The following ZSCAN2 variants were observed in gnomAD, a reference collection of about 807,000 sequenced individuals.
ZSCAN2 encodes the protein zinc finger and SCAN domain containing 2.
Under a neutral mutation model 47.8 loss-of-function variants are expected in ZSCAN2, and 26 were observed. The ratio of observed to expected loss-of-function variants is 0.54; its 90% CI spans 0.40 to 0.75. The LOEUF (loss-of-function observed/expected upper bound fraction) is 0.75. Among genes scored for constraint, ZSCAN2 ranks in the 30% least tolerant of loss-of-function variants. ZSCAN2 has a pLI of 0.00. For synonymous variants in ZSCAN2, 305 were observed against 288.7 expected, an observed-to-expected ratio of 1.06 and a Z score of -0.57; for missense variants, 732 against 785.4, an observed-to-expected ratio of 0.93 and a Z score of 0.81.
intron 2 of ZSCAN2, among the ~76,000 whole-genome samples, chr15:84,619,829 G>A (rs1167236847): frequency 6.6e-6 from 1 of 151,948 alleles, no homozygotes; most frequent in Non-Finnish European, 1.5e-5. Context: ...AGGTAGTGGG[G>A]ACATGGAACC....
intron 2 of ZSCAN2, among the ~76,000 whole-genome samples, chr15:84,613,011 C>G (rs982299755): frequency 1.8e-4 from 27 of 152,264 alleles, no homozygotes; most frequent in African/African-American, 5.1e-4. Context: ...TGGGATTTGT[C>G]CGTTTCTGGG....
In ZSCAN2 at chr15:84,622,799, T is replaced by C. The variant is rs568775004; in HGVS notation, c.*759T>C. 3.0e-6 allele frequency: 2 copies of C among 656,598 alleles called. No individual in the cohort carries two copies. Among genetic ancestry groups the C allele is most frequent in the South Asian group, 3.5e-5 (2 of 57,062 alleles). 40.7% of individuals were successfully genotyped at this position (656,598 alleles called of 1,614,324 possible). On this transcript the variant is annotated 3_prime_UTR_variant, in exon 3 of 3. Transcript: ENST00000546148. ...TTTGTCTCTGCCTACTGTCCTGTGGTAGATCAGCTACCAGGGGAACACATT... is the reference window on the plus strand; with the variant it reads ...TTTGTCTCTGCCTACTGTCCTGTGGCAGATCAGCTACCAGGGGAACACATT...
At chr15:84,618,561 A>ATT (rs768935304) in intron 2 of ZSCAN2, among the ~76,000 whole-genome samples, 7 of 139,662 alleles carry the variant, frequency 5.0e-5, no homozygotes, top group Non-Finnish European at 6.3e-5. Context: ...ACAGCCATTA[A>ATT]TTTTTTTTTT....
intron 2 of ZSCAN2, among the ~76,000 whole-genome samples, chr15:84,614,034 A>G (rs895291643): frequency 9.4e-5 from 11 of 116,632 alleles, no homozygotes; most frequent in Non-Finnish European, 1.6e-4. Context: ...TCTGTCACCC[A>G]GGCTGGAATG....
intron 2 of ZSCAN2, among the ~76,000 whole-genome samples, chr15:84,617,616 T>C (rs1462479181): frequency 1.3e-5 from 2 of 151,906 alleles, no homozygotes; most frequent in African/African-American, 4.8e-5. Context: ...GCATGGAGTT[T>C]AATTATATGC....
chr15:84,605,578 G>A (rs1895356268), intron 2 of ZSCAN2, among the ~76,000 whole-genome samples: 1 of 152,202 alleles, frequency 6.6e-6, no homozygotes, highest in Admixed American at 6.5e-5. Context: ...GAAGTGGTAG[G>A]AAGTAGAGTT....
intron 2 of ZSCAN2, among the ~76,000 whole-genome samples, chr15:84,616,840 C>T (rs916992974): frequency 2.0e-5 from 3 of 152,082 alleles, no homozygotes; most frequent in African/African-American, 7.2e-5. Context: ...AACTGTCTTC[C>T]GGCCAGACAT....
At chr15:84,614,594 G>A (rs1283968591) in intron 2 of ZSCAN2, 3 of 152,100 alleles carry the variant, frequency 2.0e-5, no homozygotes, top group Non-Finnish European at 2.9e-5. Context: ...TTGCCTATAG[G>A]TTTATACTTG....
rs1895692516 is a variant in ZSCAN2, at chr15:84,616,321, G to A, written c.407-4281G>A. Reference sequence around the variant, plus strand: ...CTCTGCTTTCCAGAAACAGCTTCCTGCGTACATGGCTGCCCTGTGTGATTC... The same window carrying A: ...CTCTGCTTTCCAGAAACAGCTTCCTACGTACATGGCTGCCCTGTGTGATTC... On this transcript the variant is annotated intron_variant, in intron 2 of 2. Transcript: ENST00000546148. 11 of 1,494,748 alleles carry A rather than the reference G, an allele frequency of 7.4e-6. No homozygotes were observed. In the East Asian group the frequency reaches 2.0e-4, roughly 28 times the overall value. The allele number at this position is 1,494,748 out of a possible 1,614,324, so 92.6% of individuals were successfully genotyped here.
intron 2 of ZSCAN2, chr15:84,614,469 A>G (rs1403653698): frequency 6.6e-6 from 1 of 152,150 alleles, no homozygotes; most frequent in African/African-American, 2.4e-5. Flanking sequence ...CATAACATTC[A>G]CAAGCTCTTT....
At chr15:84,612,980 C>G (rs1012033573) in intron 2 of ZSCAN2, among the ~76,000 whole-genome samples, 8 of 152,104 alleles carry the variant, frequency 5.3e-5, no homozygotes, top group African/African-American at 1.9e-4. Flanking sequence ...TTTGTTTTAA[C>G]ATTTAAATCT....
Position 84,621,826 on chromosome 15 carries a change from T to C in ZSCAN2, c.1631T>C (p.Ile544Thr). 1 of 1,614,124 alleles carries C rather than the reference T, an allele frequency of 6.2e-7. No homozygotes were observed. Among genetic ancestry groups the C allele is most frequent in the African/African-American group, 1.3e-5 (1 of 75,022 alleles). ...MCGKSFSRGS[I>T]LVMHQRAHLG... Reference sequence around the variant, plus strand: ...GGCAAGAGCTTCAGCCGGGGCTCCATTCTGGTCATGCACCAGAGAGCCCAT... The same window carrying C: ...GGCAAGAGCTTCAGCCGGGGCTCCACTCTGGTCATGCACCAGAGAGCCCAT... The change falls in exon 3 of 3, where the codon ATT (isoleucine) becomes ACT (threonine). Residue 544 changes from isoleucine to threonine, a missense_variant. Transcript: ENST00000546148. This position sits in a 1 kb window ranked among gnomAD's most constrained non-coding sequence, Gnocchi z 5.7.
chr15:84,613,588 G>A (rs12594450), intron 2 of ZSCAN2, among the ~76,000 whole-genome samples: 19,628 of 152,128 alleles, frequency 0.13, 1,632 homozygotes, highest in East Asian at 0.37. Context: ...GATTACAGGC[G>A]TGAGCCACTG....
At position 84,621,403 on chromosome 15, in the gene ZSCAN2, C is replaced by G. The variant is rs763372310; in HGVS notation, c.1208C>G (p.Ser403Ter). 3 of 1,614,096 alleles carry G rather than the reference C, an allele frequency of 1.9e-6. No homozygotes were observed. Among genetic ancestry groups the G allele is most frequent in the African/African-American group, 1.3e-5 (1 of 75,018 alleles). ...TDCGQRFSQS[S>*]ALITHRRTHT... The stretch of plus-strand genomic sequence containing the variant: ...TGTGGGCAGAGGTTCAGCCAGAGTT[C>G]AGCCCTCATCACCCACCGGAGAACC... The change falls in exon 3 of 3, where the codon TCA becomes TGA. Residue 403 changes from serine (S) to a stop codon, truncating the protein, a stop_gained. Transcript: ENST00000546148. LOFTEE classifies it high-confidence loss of function. This position sits in a 1 kb window ranked among gnomAD's most constrained non-coding sequence, Gnocchi z 5.7.
chr15:84,603,620 G>T (rs894759352), intron 1 of ZSCAN2, among the ~76,000 whole-genome samples, 200 bp from the exon 2 acceptor site: 1 of 152,096 alleles, frequency 6.6e-6, no homozygotes, highest in African/African-American at 2.4e-5. Context: ...GGGATTACAG[G>T]CATGAGACAC....
intron 2 of ZSCAN2, among the ~76,000 whole-genome samples, chr15:84,610,214 A>T (rs1325918442): frequency 6.6e-6 from 1 of 152,172 alleles, no homozygotes; most frequent in Non-Finnish European, 1.5e-5. Flanking sequence ...CTAAAATTGG[A>T]TACCTACTTT....
At chr15:84,606,535 C>A in intron 2 of ZSCAN2, 1 of 1,612,236 alleles carries the variant, frequency 6.2e-7, no homozygotes. Flanking sequence ...ACAGCTGTAG[C>A]TGTCGTTGCT....
chr15:84,608,167 C>G (rs906745378), intron 2 of ZSCAN2, among the ~76,000 whole-genome samples: 6 of 152,104 alleles, frequency 3.9e-5, no homozygotes, highest in Admixed American at 3.9e-4. Flanking sequence ...CCACCCTACT[C>G]CCTCTTCCTT....
chr15:84,616,752 AATT>A (rs1209435912), intron 2 of ZSCAN2: 1 of 937,046 alleles, frequency 1.1e-6, no homozygotes, highest in African/African-American at 1.8e-5. Context: ...GTTTGCTAAA[AATT>A]AATCAGGGTC....
Sources: allele counts gnomAD v4.1 joint callset (sites outside exome capture counted in the v4.1 genomes callset), GRCh38; gene constraint gnomAD v4.1.1; non-coding constraint Gnocchi (gnomAD v3.1); transcripts MANE v1.5; gene names NCBI Gene and HGNC (gene_info 2026-07-23, HGNC 2026-07-21).